SOWAHB: variants seen among roughly 807,000 people sequenced by gnomAD.
SOWAHB encodes ankyrin repeat domain-containing protein SOWAHB.
A neutral mutation model predicts 18.3 loss-of-function variants in SOWAHB; 17 were observed. That is an observed-to-expected ratio of 0.93 (90% CI 0.64 to 1.40). The LOEUF is 1.40. SOWAHB is among the 40% of genes most tolerant of loss of function. The pLI is 0.00. For synonymous variants in SOWAHB, 496 were observed against 448.1 expected (o/e 1.11, Z -1.35); for missense variants, 1,126 against 1,033.7 (o/e 1.09, Z -1.22).
At position 76,895,681 on chromosome 4, in the gene SOWAHB, C is replaced by G; in HGVS notation, c.2169G>C (p.Leu723Phe). The change falls in exon 1 of 1, where the codon TTG (leucine) becomes TTC (phenylalanine). Residue 723 changes from leucine to phenylalanine, a missense_variant. By Grantham distance (22) the Leu-to-Phe change is conservative (BLOSUM62 0). Transcript: ENST00000334306. ...AAATGGGCTTGCCCCGAGGAGCTCC[C>G]AACAGCTGCCATATTTCCCCAGAGG... ...SNTSGEIWQLLGAPRGKPIFP... is the reference protein window; with the variant it reads ...SNTSGEIWQLFGAPRGKPIFP... 1 of 1,614,218 alleles carries G rather than the reference C, an allele frequency of 6.2e-7. No homozygotes were observed.
In SOWAHB at chr4:76,895,327, G is replaced by T; in HGVS notation, c.*141C>A. ...ACCCTCTTGAGGTCCAGGATGTAGT[G>T]ACATAAGATCCAGGGAGGTCAACAC... is the stretch of plus-strand genomic sequence containing the variant. On this transcript the variant is annotated 3_prime_UTR_variant, in exon 1 of 1. Transcript: ENST00000334306. 1 of 787,120 alleles carries T rather than the reference G, an allele frequency of 1.3e-6. No individual in the cohort carries two copies. The highest frequency in any genetic ancestry group is 2.0e-6 in the Non-Finnish European group (1 of 503,196). 48.8% of individuals were successfully genotyped at this position (787,120 alleles called of 1,614,324 possible). A position where few individuals can be genotyped will look rare whatever the true frequency, so the allele number is the denominator to read the frequency against.
Position 76,897,380 on chromosome 4 carries a change from G to A in SOWAHB, c.470C>T (p.Pro157Leu). Residue 157 changes from proline (P) to leucine (L), a missense_variant, in exon 1 of 1, where the codon CCC becomes CTC. Coordinates refer to ENST00000334306, the MANE Select transcript of SOWAHB (RefSeq NM_001029870.3). The surrounding 1 kb of genome is among the most constrained non-coding windows in gnomAD (Gnocchi z 6.4). ...GLPGSDSRRA[P>L]GKGGGSKGSP... Reference sequence around the variant, plus strand: ...GCCCTTCGATCCGCCGCCCTTCCCGGGCGCCCTACGGGAGTCGCTGCCCGG... The same window carrying A: ...GCCCTTCGATCCGCCGCCCTTCCCGAGCGCCCTACGGGAGTCGCTGCCCGG... The A allele has an allele frequency of 6.5e-7, 1 of 1,528,922 alleles. No homozygotes were observed. Among genetic ancestry groups the A allele is most frequent in the Non-Finnish European group, 8.7e-7 (1 of 1,144,532 alleles). The allele number at this position is 1,528,922 out of a possible 1,614,324, so 94.7% of individuals were successfully genotyped here.
rs759321006 is a variant in SOWAHB, at chr4:76,895,560, C to A, written c.2290G>T (p.Ala764Ser). ...RSVTRKTSFA[A>S]LLKSQHNKWK... ...TTGTTGTGCTGACTTTTGAGTAGTG[C>A]AGCGAAGGAAGTTTTTCGGGTGACA... is the stretch of plus-strand genomic sequence containing the variant. Residue 764 changes from alanine (A) to serine (S), a missense_variant, in exon 1 of 1, where the codon GCA (alanine) becomes TCA (serine). Physicochemically the swap from Ala to Ser is moderately conservative, Grantham distance 99. Transcript: ENST00000334306. The A allele has an allele frequency of 1.2e-6, 2 of 1,614,230 alleles. No individual in the cohort carries two copies. Among genetic ancestry groups the A allele is most frequent in the Non-Finnish European group, 1.7e-6 (2 of 1,180,042 alleles).
Position 76,895,835 on chromosome 4 carries a change from G to T in SOWAHB, c.2015C>A (p.Thr672Asn). The change falls in exon 1 of 1, where the codon ACC (threonine) becomes AAC (asparagine). Residue 672 changes from threonine to asparagine, a missense_variant. Thr to Asn is a moderately conservative substitution (Grantham distance 65, BLOSUM62 0). Transcript: ENST00000334306. ...GTGAATGGCTGCAAGGTGCAGCGGG[G>T]TATATCCACAACTGGACCTCACGTT... is the stretch of plus-strand genomic sequence containing the variant. ...DVNVRSSCGYTPLHLAAIHGH... is the reference protein window; with the variant it reads ...DVNVRSSCGYNPLHLAAIHGH... 6.2e-7 allele frequency: 1 copy of T among 1,614,244 alleles called. No homozygotes were observed. The highest frequency in any genetic ancestry group is 1.1e-5 in the South Asian group (1 of 91,080).
Position 76,895,670 on chromosome 4 carries a change from C to T in SOWAHB, c.2180G>A (p.Arg727Gln), listed in dbSNP as rs754335520. ...ATAGACAGGGAAAATGGGCTTGCCC[C>T]GAGGAGCTCCCAACAGCTGCCATAT... ...GEIWQLLGAP[R>Q]GKPIFPVYPL... The change falls in exon 1 of 1, where the codon CGG (arginine) becomes CAG (glutamine). Residue 727 changes from arginine to glutamine, a missense_variant. Transcript: ENST00000334306. The T allele has an allele frequency of 5.0e-6, 8 of 1,614,182 alleles. No individual in the cohort carries two copies. The highest frequency in any genetic ancestry group is 3.3e-5 in the Admixed American group (2 of 60,020).
rs1317912337 is a variant in SOWAHB, at chr4:76,894,490, A to G, written c.*978T>C. On this transcript the variant is annotated 3_prime_UTR_variant, in exon 1 of 1. Transcript: ENST00000334306. ...TGGCAACAAGTTTAGTGCAAATACA[A>G]TTATATTTAGCGGCTTAGATAGTCC... Among the ~76,000 whole-genome samples, 1 of 152,236 alleles carries G rather than the reference A, an allele frequency of 6.6e-6. No homozygotes were observed. Among genetic ancestry groups the G allele is most frequent in the East Asian group, 1.9e-4 (1 of 5,200 alleles).
chr4:76,894,227 A>G lies in SOWAHB; in HGVS notation c.*1241T>C, dbSNP rs1464955323. Reference sequence around the variant, plus strand: ...GAAGAAACACAAAAAGACTTAAAATACAGCATCATTGTCACATCTCATGAA... The same window carrying G: ...GAAGAAACACAAAAAGACTTAAAATGCAGCATCATTGTCACATCTCATGAA... On this transcript the variant is annotated 3_prime_UTR_variant, in exon 1 of 1. Transcript: ENST00000334306. Among the ~76,000 whole-genome samples, 1 of 152,220 alleles carries G rather than the reference A, an allele frequency of 6.6e-6. No individual in the cohort carries two copies. The highest frequency in any genetic ancestry group is 2.4e-5 in the African/African-American group (1 of 41,456).
rs201629805 is a variant in SOWAHB at position 76,897,521 on chromosome 4, G to T, written c.329C>A (p.Ala110Glu). 1.5e-3 allele frequency: 2,153 copies of T among 1,416,204 alleles called. 34 individuals carry two copies. The African/African-American group carries it at 0.029, about 19-fold the overall frequency. The allele number at this position is 1,416,204 out of a possible 1,614,324, so 87.7% of individuals were successfully genotyped here. ...CTGCTGGGGCGGCTCCCCCCGGCGC[G>T]CGCCTCGCGGGGAGCAGGGCGCAGC... ...GGAAPCSPRG[A>E]RRGEPPQQQP... Residue 110 changes from alanine to glutamate, a missense_variant, in exon 1 of 1, where the codon GCG becomes GAG. Coordinates refer to ENST00000334306, the MANE Select transcript of SOWAHB (RefSeq NM_001029870.3). The surrounding 1 kb of genome is among the most constrained non-coding windows in gnomAD (Gnocchi z 6.4).
Position 76,896,401 on chromosome 4 carries a change from C to T in SOWAHB, c.1449G>A (p.Lys483=), listed in dbSNP as rs145735308. The T allele has an allele frequency of 2.2e-5, 35 of 1,601,668 alleles. 1 individual carries two copies. In the South Asian group the frequency reaches 3.2e-4, roughly 15 times the overall value. The change falls in exon 1 of 1, where the codon AAG becomes AAA. Residue 483 remains lysine (K), a synonymous_variant. Coordinates refer to ENST00000334306, the MANE Select transcript of SOWAHB (RefSeq NM_001029870.3). Reference sequence around the variant, plus strand: ...ACTTAGGAACTGGCCAAGGCAAAGGCTTCAGGGGGTGGCCTGCAAGGCCAT... The same window carrying T: ...ACTTAGGAACTGGCCAAGGCAAAGGTTTCAGGGGGTGGCCTGCAAGGCCAT... ...GANGLAGHPL[K]PLPWPVPKLR...
Position 76,897,769 on chromosome 4 carries a change from C to T in SOWAHB, c.81G>A (p.Leu27=), listed in dbSNP as rs150321047. The change falls in exon 1 of 1, where the codon CTG becomes CTA. Residue 27 remains leucine (L), a synonymous_variant. Coordinates refer to ENST00000334306, the MANE Select transcript of SOWAHB (RefSeq NM_001029870.3). This position sits in a 1 kb window ranked among gnomAD's most constrained non-coding sequence, Gnocchi z 6.4. ...CTCGGAGAAAGCTCTTGAAGTGGCTCAGCAAGGCAGCGTTGGTCACGCGGC... is the reference window on the plus strand; with the variant it reads ...CTCGGAGAAAGCTCTTGAAGTGGCTTAGCAAGGCAGCGTTGGTCACGCGGC... ...AGGRVTNAAL[L]SHFKSFLRDP... 74 of 1,605,822 alleles carry T rather than the reference C, an allele frequency of 4.6e-5. No homozygotes were observed. Among genetic ancestry groups the T allele is most frequent in the Non-Finnish European group, 5.9e-5 (70 of 1,179,868 alleles).
Position 76,895,604 on chromosome 4 carries a change from C to T in SOWAHB, c.2246G>A (p.Ser749Asn). ...GSSSPTRKAK[S>N]KEISRSVTRK... ...GGTGACACTTCTAGATATTTCCTTG[C>T]TCTTGGCCTTTCTGGTAGGGGAAGA... Residue 749 changes from serine to asparagine, a missense_variant, in exon 1 of 1, where the codon AGC (serine) becomes AAC (asparagine). Transcript: ENST00000334306. 6.2e-7 allele frequency: 1 copy of T among 1,614,216 alleles called. No individual in the cohort carries two copies. The highest frequency in any genetic ancestry group is 8.5e-7 in the Non-Finnish European group (1 of 1,180,036).
rs763277007 is a variant in SOWAHB, at chr4:76,895,926, C to T, written c.1924G>A (p.Gly642Ser). The T allele has an allele frequency of 6.2e-7, 1 of 1,614,150 alleles. No homozygotes were observed. Among genetic ancestry groups the T allele is most frequent in the South Asian group, 1.1e-5 (1 of 91,090 alleles). ...YTALHWIAKHGDLRALQDLVS... is the reference protein window; with the variant it reads ...YTALHWIAKHSDLRALQDLVS... Reference sequence around the variant, plus strand: ...AAGTCCTGAAGGGCCCTGAGGTCACCATGTTTGGCTATCCAGTGCAACGCA... The same window carrying T: ...AAGTCCTGAAGGGCCCTGAGGTCACTATGTTTGGCTATCCAGTGCAACGCA... The change falls in exon 1 of 1, where the codon GGT becomes AGT. Residue 642 changes from glycine (G) to serine (S), a missense_variant. By Grantham distance (56) the Gly-to-Ser change is moderately conservative. Transcript: ENST00000334306.
rs2703131 is a variant in SOWAHB at position 76,896,209 on chromosome 4, T to C, written c.1641A>G (p.Leu547=). 0.21 allele frequency: 335,456 copies of C among 1,562,916 alleles called. 37,151 individuals are homozygous for C. Among genetic ancestry groups the C allele is most frequent in the South Asian group, 0.23 (19,316 of 84,308 alleles). ...CCTTAACCTCTGCAAGTTTTAGTGA[T>C]AAACCTGCATCAACCCTTGGGCTGG... is the stretch of plus-strand genomic sequence containing the variant. ...TAPSPRVDAG[L]SLKLAEVKAV... The change falls in exon 1 of 1, where the codon TTA becomes TTG. Residue 547 remains leucine, a synonymous_variant. Coordinates refer to ENST00000334306, the MANE Select transcript of SOWAHB (RefSeq NM_001029870.3).
In SOWAHB at chr4:76,897,945, G is replaced by T; in HGVS notation, c.-96C>A. On this transcript the variant is annotated 5_prime_UTR_variant, in exon 1 of 1. Transcript: ENST00000334306. This position sits in a 1 kb window ranked among gnomAD's most constrained non-coding sequence, Gnocchi z 6.4. ...CCCTGGCCGGGCGAGTGTCACCTGC[G>T]CCCGGGGCGGCACTAGCCGCCCCCA... is the stretch of plus-strand genomic sequence containing the variant. 4 of 1,325,548 alleles carry T rather than the reference G, an allele frequency of 3.0e-6. No individual in the cohort carries two copies. The highest frequency in any genetic ancestry group is 5.1e-5 in the East Asian group (2 of 39,186). 82.1% of individuals were successfully genotyped at this position (1,325,548 alleles called of 1,614,324 possible).
chr4:76,897,337 C>T lies in SOWAHB; in HGVS notation c.513G>A (p.Pro171=), dbSNP rs1187173738. 3 of 1,537,434 alleles carry T rather than the reference C, an allele frequency of 2.0e-6. No individual in the cohort carries two copies. The highest frequency in any genetic ancestry group is 3.9e-5 in the Admixed American group (2 of 51,624). The change falls in exon 1 of 1, where the codon CCG becomes CCA. Residue 171 remains proline (P), a synonymous_variant. Transcript: ENST00000334306. This position sits in a 1 kb window ranked among gnomAD's most constrained non-coding sequence, Gnocchi z 6.4. The part of the protein sequence containing the change: ...GGSKGSPGQR[P]PVPAAAAAGA... ...CTGCCGCTGCAGCTGCGGGCACCGG[C>T]GGCCTCTGTCCGGGACTGCCCTTCG...
rs375047738 is a variant in SOWAHB, at chr4:76,896,134, C to A, written c.1716G>T (p.Gly572=). The change falls in exon 1 of 1, where the codon GGG becomes GGT. Residue 572 remains glycine (G), a synonymous_variant. Coordinates refer to ENST00000334306, the MANE Select transcript of SOWAHB (RefSeq NM_001029870.3). ...GWRHSLWVPS[G]EGSAALAPHR... is the part of the protein sequence containing the mutation. ...GGGGGGCCAAGGCTGCAGACCCCTCCCCACTGGGGACCCACAGGCTGTGTC... is the reference window on the plus strand; with the variant it reads ...GGGGGGCCAAGGCTGCAGACCCCTCACCACTGGGGACCCACAGGCTGTGTC... 32 of 1,567,670 alleles carry A rather than the reference C, an allele frequency of 2.0e-5. No individual in the cohort carries two copies. Among genetic ancestry groups the A allele is most frequent in the Non-Finnish European group, 2.7e-5 (31 of 1,157,844 alleles).
rs1385208945 is a variant in SOWAHB at position 76,895,623 on chromosome 4, G to C, written c.2227C>G (p.Pro743Ala). 2 of 1,614,190 alleles carry C rather than the reference G, an allele frequency of 1.2e-6. No homozygotes were observed. The highest frequency in any genetic ancestry group is 1.7e-5 in the Admixed American group (1 of 60,030). The change falls in exon 1 of 1, where the codon CCT (proline) becomes GCT (alanine). Residue 743 changes from proline (P) to alanine (A), a missense_variant. Pro to Ala is a conservative substitution (Grantham distance 27, BLOSUM62 -1). Coordinates refer to ENST00000334306, the MANE Select transcript of SOWAHB (RefSeq NM_001029870.3). ...TCCTTGCTCTTGGCCTTTCTGGTAG[G>C]GGAAGAACTTCCAACTAAGGGATAG... Reference protein sequence around the residue: ...PVYPLVGSSSPTRKAKSKEIS... With the variant: ...PVYPLVGSSSATRKAKSKEIS...
At position 76,897,850 on chromosome 4, in the gene SOWAHB, C is replaced by T. The variant is rs1428130966; in HGVS notation, c.-1G>A. On this transcript the variant is annotated 5_prime_UTR_variant, in exon 1 of 1. Coordinates refer to ENST00000334306, the MANE Select transcript of SOWAHB (RefSeq NM_001029870.3). The surrounding 1 kb of genome is among the most constrained non-coding windows in gnomAD (Gnocchi z 6.4). ...CCTCCTGGCTCAGCTCTCGGGCCAT[C>T]GCTGCCTTGTCCTCCGCCCCAGAGG... 13 of 1,595,174 alleles carry T rather than the reference C, an allele frequency of 8.1e-6. No individual in the cohort carries two copies. The highest frequency in any genetic ancestry group is 3.6e-4 in the Middle Eastern group (2 of 5,586).
chr4:76,896,870 G>A lies in SOWAHB; in HGVS notation c.980C>T (p.Ala327Val), dbSNP rs140241013. 14 of 1,613,360 alleles carry A rather than the reference G, an allele frequency of 8.7e-6. No homozygotes were observed. In the African/African-American group the frequency reaches 1.6e-4, roughly 18 times the overall value. ...GAAGTTGTCTGGCAGCACCGACCAG[G>A]CGCGGATAGGGCCCTGATCACGGGC... The part of the protein sequence containing the change: ...PEARDQGPIR[A>V]WSVLPDNFLQ... Residue 327 changes from alanine (A) to valine (V), a missense_variant, in exon 1 of 1, where the codon GCC (alanine) becomes GTC (valine). By Grantham distance (64) the Ala-to-Val change is moderately conservative. Coordinates refer to ENST00000334306, the MANE Select transcript of SOWAHB (RefSeq NM_001029870.3).
Sources: gnomAD v4.1 joint callset for allele counts (sites outside exome capture counted in the v4.1 genomes callset) on GRCh38, gnomAD v4.1.1 for gene constraint, Gnocchi (gnomAD v3.1) non-coding constraint, MANE v1.5 for transcripts, NCBI Gene and HGNC (gene_info 2026-07-23, HGNC 2026-07-21) for gene names.